The following KCNJ1 variants were observed in gnomAD, a reference collection of about 807,000 sequenced individuals.
KCNJ1 encodes the protein potassium inwardly rectifying channel subfamily J member 1, also known as ATP-sensitive inward rectifier potassium channel 1.
A neutral mutation model predicts 21.9 loss-of-function variants in KCNJ1; 24 were observed. The observed-to-expected ratio is 1.10, with a 90% CI of 0.79 to 1.54. KCNJ1 has a LOEUF of 1.54. KCNJ1 is among the 40% of genes most tolerant of loss of function. The pLI is 0.00. For synonymous variants in KCNJ1, 152 were observed against 160.9 expected (o/e 0.94, Z 0.42); for missense variants, 457 against 455.4 (o/e 1.00, Z -0.03).
chr11:128,839,730 T>C lies in KCNJ1; in HGVS notation c.514A>G (p.Thr172Ala), dbSNP rs1049368346. Reference sequence around the variant, plus strand: ...ACTGCGTTCTTGCTGAACGTAATGGTCTTGGCACGTTTTTTGGGCCTGGAG... The same window carrying C: ...ACTGCGTTCTTGCTGAACGTAATGGCCTTGGCACGTTTTTTGGGCCTGGAG... The part of the protein sequence containing the change: ...KISRPKKRAK[T>A]ITFSKNAVIS... Residue 172 changes from threonine (T) to alanine (A), a missense_variant, in exon 3 of 3, where the codon ACC becomes GCC. Physicochemically the swap from Thr to Ala is moderately conservative, Grantham distance 58. Coordinates refer to ENST00000392666, the MANE Select transcript of KCNJ1 (RefSeq NM_153766.3). 6.2e-7 allele frequency: 1 copy of C among 1,613,766 alleles called. No individual in the cohort carries two copies. The highest frequency in any genetic ancestry group is 1.7e-5 in the Admixed American group (1 of 60,016).
chr11:128,838,994 G>A lies in KCNJ1; in HGVS notation c.*131C>T. ...GTGGGATCACAATTGCGGGGCTCAG[G>A]GGTCTTTGTGCTGGTAGACTTTGAA... is the stretch of plus-strand genomic sequence containing the variant. On this transcript the variant is annotated 3_prime_UTR_variant, in exon 3 of 3. Transcript: ENST00000392666. The A allele has an allele frequency of 2.6e-6, 2 of 769,688 alleles. No homozygotes were observed. Among genetic ancestry groups the A allele is most frequent in the Non-Finnish European group, 4.4e-6 (2 of 454,978 alleles). The allele number at this position is 769,688 out of a possible 1,614,324, so 47.7% of individuals were successfully genotyped here.
chr11:128,853,670 T>C (rs1197786129), intron 1 of KCNJ1, among the ~76,000 whole-genome samples: 1 of 152,176 alleles, frequency 6.6e-6, no homozygotes, highest in East Asian at 1.9e-4. Context: ...TATATTGCAA[T>C]AAAGCTGGGA....
At chr11:128,854,537 G>A (rs1040146866) in intron 1 of KCNJ1, among the ~76,000 whole-genome samples, 13 of 152,122 alleles carry the variant, frequency 8.5e-5, no homozygotes, top group African/African-American at 1.2e-4. Context: ...GGGATGGAAC[G>A]TGACTGGGAT....
chr11:128,839,973 G>A lies in KCNJ1; in HGVS notation c.271C>T (p.Pro91Ser), dbSNP rs1943252606. The change falls in exon 3 of 3, where the codon CCG becomes TCG. Residue 91 changes from proline to serine, a missense_variant. Coordinates refer to ENST00000392666, the MANE Select transcript of KCNJ1 (RefSeq NM_153766.3). ...TGATTGGCAGAAGGATGGAATTCCG[G>A]GAGGTCTTTGTGAATGTACGCTACT... Reference protein sequence around the residue: ...YAVAYIHKDLPEFHPSANHTP... With the variant: ...YAVAYIHKDLSEFHPSANHTP... 1 of 1,614,130 alleles carries A rather than the reference G, an allele frequency of 6.2e-7. No individual in the cohort carries two copies. Among genetic ancestry groups the A allele is most frequent in the Admixed American group, 1.7e-5 (1 of 60,016 alleles).
At chr11:128,862,309 T>C (rs968369818) in intron 1 of KCNJ1, among the ~76,000 whole-genome samples, 2 of 152,114 alleles carry the variant, frequency 1.3e-5, no homozygotes, top group Non-Finnish European at 2.9e-5. Flanking sequence ...GTGGTGAGCA[T>C]TGCCCAGGCT....
chr11:128,852,179 T>C (rs1379277318), intron 1 of KCNJ1, among the ~76,000 whole-genome samples: 1 of 152,210 alleles, frequency 6.6e-6, no homozygotes, highest in Non-Finnish European at 1.5e-5. Flanking sequence ...CACTTGGACA[T>C]AGAACGTGAT....
intron 1 of KCNJ1, among the ~76,000 whole-genome samples, chr11:128,865,309 C>T (rs1200672790): frequency 6.6e-6 from 1 of 152,028 alleles, no homozygotes; most frequent in African/African-American, 2.4e-5. Context: ...GGTATCTCTC[C>T]CATTAGCGTG....
chr11:128,857,205 T>G (rs1943606056), intron 1 of KCNJ1, among the ~76,000 whole-genome samples: 1 of 152,192 alleles, frequency 6.6e-6, no homozygotes. Flanking sequence ...TCCATGTCGC[T>G]AGGGACCTAG....
chr11:128,865,745 T>A (rs1943805794), intron 1 of KCNJ1, among the ~76,000 whole-genome samples: 1 of 152,034 alleles, frequency 6.6e-6, no homozygotes, highest in South Asian at 2.1e-4. Context: ...CAGGGTAGAC[T>A]CATAACCTAG....
chr11:128,856,111 T>C (rs1027428348), intron 1 of KCNJ1, among the ~76,000 whole-genome samples: 1 of 152,172 alleles, frequency 6.6e-6, no homozygotes, highest in Non-Finnish European at 1.5e-5. Context: ...TGAGCTGCTT[T>C]CAAGGGGCCT....
At chr11:128,852,805 C>T (rs1364543537) in intron 1 of KCNJ1, among the ~76,000 whole-genome samples, 2 of 152,250 alleles carry the variant, frequency 1.3e-5, no homozygotes, top group Non-Finnish European at 2.9e-5. Flanking sequence ...GACCAATCCT[C>T]GTGTCTGCCT....
chr11:128,859,930 CTGCAGACGGCGGGCAGCAA>C (rs1462017491), intron 1 of KCNJ1, among the ~76,000 whole-genome samples: 2 of 152,266 alleles, frequency 1.3e-5, no homozygotes, highest in African/African-American at 4.8e-5. Flanking sequence ...GGCACTGGTG[CTGCAGACGGCGGGCAGCAA>C]AGCGCAGGCG....
rs1943819115 is a variant in KCNJ1, at chr11:128,866,561, A to G, written c.-192+612T>C. ...AGATAAACAGTTGGCATTCACTGGT[A>G]TAGAGCAATTGTCACAACAGTCATT... On this transcript the variant is annotated intron_variant, in intron 1 of 2. Transcript: ENST00000392666. 1.4e-5 allele frequency: 14 copies of G among 972,586 alleles called. No individual in the cohort carries two copies. The South Asian group carries it at 1.9e-4, about 13-fold the overall frequency. The allele number at this position is 972,586 out of a possible 1,614,324, so 60.2% of individuals were successfully genotyped here.
chr11:128,842,522 C>G, intron 2 of KCNJ1: 1 of 1,589,828 alleles, frequency 6.3e-7, no homozygotes, highest in Non-Finnish European at 8.6e-7. Context: ...AGTGGACTGA[C>G]GCTAATTTGT....
intron 1 of KCNJ1, among the ~76,000 whole-genome samples, chr11:128,852,502 A>T (rs780371115): frequency 4.6e-5 from 7 of 152,172 alleles, no homozygotes; most frequent in Non-Finnish European, 8.8e-5. Flanking sequence ...CATCAGAGTT[A>T]CATTAATGGA....
At chr11:128,851,596 A>T (rs1053570550) in intron 1 of KCNJ1, among the ~76,000 whole-genome samples, 2 of 152,144 alleles carry the variant, frequency 1.3e-5, no homozygotes. Context: ...GTGTGCAGAG[A>T]TCTGTTATTA....
chr11:128,862,416 T>TG (rs1361163127), intron 1 of KCNJ1, among the ~76,000 whole-genome samples: 1 of 152,066 alleles, frequency 6.6e-6, no homozygotes, highest in Admixed American at 6.5e-5. Context: ...GGGAGCGCTC[T>TG]GGGGGTCTCC....
intron 1 of KCNJ1, among the ~76,000 whole-genome samples, chr11:128,863,998 C>T (rs1294524611): frequency 6.6e-6 from 1 of 151,394 alleles, no homozygotes; most frequent in Non-Finnish European, 1.5e-5. Flanking sequence ...AAGGAACAAC[C>T]TTTGACCTTA....
At chr11:128,841,927 A>G (rs920025853) in intron 2 of KCNJ1, among the ~76,000 whole-genome samples, 2 of 152,176 alleles carry the variant, frequency 1.3e-5, no homozygotes, top group Non-Finnish European at 2.9e-5. Context: ...AGTGAGGATT[A>G]GGGGATGGTG....
Sources: allele counts gnomAD v4.1 joint callset (sites outside exome capture counted in the v4.1 genomes callset), GRCh38; gene constraint gnomAD v4.1.1; transcripts MANE v1.5; gene names NCBI Gene and HGNC (gene_info 2026-07-23, HGNC 2026-07-21).